The following ATP10A variants were observed in gnomAD, a reference collection of about 807,000 sequenced individuals.
The protein encoded by ATP10A is ATPase phospholipid transporting 10A (putative).
A neutral mutation model predicts 147.8 loss-of-function variants in ATP10A; 111 were observed. The ratio of observed to expected loss-of-function variants is 0.75; its 90% CI spans 0.64 to 0.88. The LOEUF (loss-of-function observed/expected upper bound fraction) is 0.88, where lower values mean the gene tolerates loss of function less well. Among genes scored for constraint, ATP10A ranks in the 40% least tolerant of loss-of-function variants. ATP10A has a pLI of 0.00. For synonymous variants in ATP10A, 875 were observed against 841.6 expected (o/e 1.04, Z -0.69); for missense variants, 1,927 against 1,959.0 (o/e 0.98, Z 0.31).
intron 16 of ATP10A, among the ~76,000 whole-genome samples, chr15:25,685,979 C>T (rs1899692692): frequency 6.6e-6 from 1 of 152,154 alleles, no homozygotes; most frequent in African/African-American, 2.4e-5. Flanking sequence ...TACAACTGTG[C>T]ACTTGAGGCC....
At chr15:25,734,328 G>A (rs1887137774) in intron 3 of ATP10A, among the ~76,000 whole-genome samples, 1 of 152,214 alleles carries the variant, frequency 6.6e-6, no homozygotes, top group South Asian at 2.1e-4. Context: ...GTCTTCAGAA[G>A]AGAAAGTCGG....
intron 2 of ATP10A, among the ~76,000 whole-genome samples, chr15:25,777,540 C>T (rs749390769): frequency 6.6e-6 from 1 of 152,046 alleles, no homozygotes; most frequent in African/African-American, 2.4e-5. Context: ...GGTACTCTTC[C>T]CTGAGTGGGA....
intron 2 of ATP10A, among the ~76,000 whole-genome samples, chr15:25,745,334 C>T (rs1212300545): frequency 6.7e-6 from 1 of 149,312 alleles, no homozygotes; most frequent in Non-Finnish European, 1.5e-5. Flanking sequence ...GCCTGGGCAA[C>T]AGAGCAAGAA....
At chr15:25,759,102 C>G (rs960977156) in intron 2 of ATP10A, among the ~76,000 whole-genome samples, 1 of 152,246 alleles carries the variant, frequency 6.6e-6, no homozygotes, top group Non-Finnish European at 1.5e-5. Flanking sequence ...CCTCCTTTGT[C>G]CAAATGTGCA....
chr15:25,764,132 C>A lies in ATP10A; in HGVS notation c.654+16887G>T, dbSNP rs539437519. ...AATGCAGATCCTTGCCTCAGTGGAT[C>A]TGGGCAGGGCCTGGGACTCTGCATT... On this transcript the variant is annotated intron_variant, in intron 2 of 20. Transcript: ENST00000555815. 3.3e-5 allele frequency among the ~76,000 whole-genome samples: 5 copies of A among 152,272 alleles called. No individual in the cohort carries two copies. The East Asian group carries it at 9.7e-4, about 29-fold the overall frequency.
intron 3 of ATP10A, among the ~76,000 whole-genome samples, chr15:25,732,032 T>TTG (rs546017266): frequency 5.1e-4 from 77 of 151,852 alleles, no homozygotes; most frequent in Middle Eastern, 6.8e-3. Flanking sequence ...AGGCTAATTT[T>TTG]TGTGTGTGTG....
chr15:25,812,065 A>G (rs1026943780), intron 1 of ATP10A, among the ~76,000 whole-genome samples: 1 of 152,108 alleles, frequency 6.6e-6, no homozygotes, highest in Non-Finnish European at 1.5e-5. Context: ...GCTCCCCTAA[A>G]ATGGAGTGAA....
At chr15:25,765,173 G>A (rs910272434) in intron 2 of ATP10A, among the ~76,000 whole-genome samples, 1 of 152,144 alleles carries the variant, frequency 6.6e-6, no homozygotes, top group Non-Finnish European at 1.5e-5. Flanking sequence ...ACAGGGGGGC[G>A]GGGCGGGGGT....
intron 13 of ATP10A, 144 bp downstream of exon 13, chr15:25,701,772 A>G: frequency 1.3e-6 from 1 of 751,548 alleles, no homozygotes; most frequent in Non-Finnish European, 2.1e-6. Context: ...TTCCAAGGCA[A>G]TAACATGCAC....
downstream of ATP10A, among the ~76,000 whole-genome samples, chr15:25,674,465 C>T (rs1899099304): frequency 6.6e-6 from 1 of 152,178 alleles, no homozygotes; most frequent in Admixed American, 6.5e-5. Flanking sequence ...CCCAGCTAGT[C>T]AGGATCCCCT....
chr15:25,797,586 C>T (rs1316119985), intron 1 of ATP10A, among the ~76,000 whole-genome samples: 2 of 152,212 alleles, frequency 1.3e-5, no homozygotes, highest in Non-Finnish European at 2.9e-5. Flanking sequence ...ACGCTCTGGG[C>T]TCCAGGTGCC....
chr15:25,690,522 G>GA (rs1899967664), intron 15 of ATP10A, among the ~76,000 whole-genome samples: 1 of 152,206 alleles, frequency 6.6e-6, no homozygotes, highest in Admixed American at 6.5e-5. Context: ...TTACAGGTGT[G>GA]AACCACCATG....
At position 25,816,992 on chromosome 15, in the gene ATP10A, CT is replaced by C. The variant is rs1366483884; in HGVS notation, c.450-35770del. ...AATGTGTAGGAAAAAAAAATCCTAC[CT>C]GAATTTTACAATTTAGCTAGTCTAT... On this transcript the variant is annotated intron_variant, in intron 1 of 20. Coordinates refer to ENST00000555815, the MANE Select transcript of ATP10A (RefSeq NM_024490.4). Among the ~76,000 whole-genome samples, 11 of 152,248 alleles carry C rather than the reference CT, an allele frequency of 7.2e-5. 1 individual carries two copies. In the East Asian group the frequency reaches 1.9e-3, roughly 27 times the overall value.
At chr15:25,782,305 G>A (rs926682474) in intron 1 of ATP10A, among the ~76,000 whole-genome samples, 3 of 152,174 alleles carry the variant, frequency 2.0e-5, no homozygotes, top group Non-Finnish European at 4.4e-5. Flanking sequence ...GCTGCTGTTT[G>A]GGGTGATGGA....
rs139925762 is a variant in ATP10A at position 25,722,284 on chromosome 15, C to T, written c.1111-375G>A. 5.3e-3 allele frequency among the ~76,000 whole-genome samples: 805 copies of T among 152,302 alleles called. 10 individuals are homozygous for T. Among genetic ancestry groups the T allele is most frequent in the African/African-American group, 0.019 (771 of 41,564 alleles). ...TCATAAGCAAGGTCACCTCACACCACACTCCATGGTGGCATTCGACCCCCA... is the reference window on the plus strand; with the variant it reads ...TCATAAGCAAGGTCACCTCACACCATACTCCATGGTGGCATTCGACCCCCA... On this transcript the variant is annotated intron_variant, in intron 6 of 20. Coordinates refer to ENST00000555815, the MANE Select transcript of ATP10A (RefSeq NM_024490.4).
chr15:25,840,799 A>C (rs1418063078), intron 1 of ATP10A, among the ~76,000 whole-genome samples: 1 of 152,150 alleles, frequency 6.6e-6, no homozygotes, highest in Non-Finnish European at 1.5e-5. Flanking sequence ...TCACACCCTC[A>C]GCAGCGTTTG....
chr15:25,822,310 G>A (rs968958998), intron 1 of ATP10A, among the ~76,000 whole-genome samples: 1 of 152,074 alleles, frequency 6.6e-6, no homozygotes, highest in South Asian at 2.1e-4. Context: ...CAAGTTGTTC[G>A]GTAGTACTTC....
chr15:25,699,439 G>A (rs897275010), intron 13 of ATP10A, among the ~76,000 whole-genome samples: 5 of 152,214 alleles, frequency 3.3e-5, no homozygotes, highest in South Asian at 2.1e-4. Context: ...TTCATGAAAT[G>A]TGACCCAAAA....
At chr15:25,684,583 G>T (rs1392873601) in intron 16 of ATP10A, among the ~76,000 whole-genome samples, 1 of 152,196 alleles carries the variant, frequency 6.6e-6, no homozygotes, top group African/African-American at 2.4e-5. Flanking sequence ...GAGGGAACTT[G>T]AAGTTCCAAG....
Sources: allele counts gnomAD v4.1 joint callset (sites outside exome capture counted in the v4.1 genomes callset), GRCh38; gene constraint gnomAD v4.1.1; transcripts MANE v1.5; gene names NCBI Gene and HGNC (gene_info 2026-07-23, HGNC 2026-07-21).